Variants in PLCXD3 observed in about 807,000 individuals in gnomAD.
The protein encoded by PLCXD3 is PI-PLC X domain-containing protein 3.
Under a neutral mutation model 25.5 loss-of-function variants are expected in PLCXD3, and 19 were observed. That is an observed-to-expected ratio of 0.75 (90% confidence interval 0.52 to 1.09). The LOEUF (loss-of-function observed/expected upper bound fraction) is 1.09, where lower values mean the gene tolerates loss of function less well. PLCXD3 is among the 50% of genes least tolerant of loss of function. The pLI is 0.00. For synonymous variants in PLCXD3, 174 were observed against 137.6 expected (o/e 1.26, Z -1.85); for missense variants, 411 against 388.1 (o/e 1.06, Z -0.50).
intron 1 of PLCXD3, among the ~76,000 whole-genome samples, chr5:41,506,157 A>G (rs1022917678): frequency 2.0e-5 from 3 of 152,124 alleles, no homozygotes; most frequent in Non-Finnish European, 4.4e-5. Flanking sequence ...TGGTCCCTGA[A>G]CCAACTCTGA....
chr5:41,495,329 AAAC>A (rs1341465339), intron 1 of PLCXD3, among the ~76,000 whole-genome samples: 1 of 152,252 alleles, frequency 6.6e-6, no homozygotes, highest in Non-Finnish European at 1.5e-5. Flanking sequence ...TGGTCACTGA[AAAC>A]AAAATTTTTG....
chr5:41,395,984 G>C (rs1387819549), intron 1 of PLCXD3, among the ~76,000 whole-genome samples: 13 of 140,756 alleles, frequency 9.2e-5, no homozygotes, highest in Admixed American at 6.5e-4. Flanking sequence ...ACTAAAATCA[G>C]ACAAAGGCCC....
chr5:41,439,353 G>A (rs1387829800), intron 1 of PLCXD3, among the ~76,000 whole-genome samples: 1 of 152,148 alleles, frequency 6.6e-6, no homozygotes, highest in African/African-American at 2.4e-5. Flanking sequence ...ATATTAATGT[G>A]CTAAATGAAA....
At chr5:41,391,810 C>T (rs747250809) in intron 1 of PLCXD3, among the ~76,000 whole-genome samples, 11 of 152,068 alleles carry the variant, frequency 7.2e-5, no homozygotes, top group Non-Finnish European at 1.3e-4. Flanking sequence ...CTGGATCAAA[C>T]GGGAGACCAT....
At chr5:41,426,071 A>G (rs2150507275) in intron 1 of PLCXD3, among the ~76,000 whole-genome samples, 1 of 152,294 alleles carries the variant, frequency 6.6e-6, no homozygotes, top group East Asian at 1.9e-4. Context: ...CATTCCCACG[A>G]GCAATGAATG....
At chr5:41,499,775 T>G (rs1220402269) in intron 1 of PLCXD3, among the ~76,000 whole-genome samples, 1 of 151,834 alleles carries the variant, frequency 6.6e-6, no homozygotes, top group Non-Finnish European at 1.5e-5. Context: ...AGTATAGTTC[T>G]GGCATAAAGA....
intron 2 of PLCXD3, among the ~76,000 whole-genome samples, chr5:41,324,118 G>C (rs911190228): frequency 1.3e-5 from 2 of 152,110 alleles, no homozygotes; most frequent in African/African-American, 4.8e-5. Flanking sequence ...AGCATTTAAG[G>C]GATGGGCAGG....
At chr5:41,483,600 G>C (rs1043028933) in intron 1 of PLCXD3, among the ~76,000 whole-genome samples, 1 of 151,964 alleles carries the variant, frequency 6.6e-6, no homozygotes, top group African/African-American at 2.4e-5. Flanking sequence ...TTTCAGTTTT[G>C]CAAGATGAAA....
intron 1 of PLCXD3, among the ~76,000 whole-genome samples, chr5:41,479,090 A>G (rs1277215826): frequency 1.3e-5 from 2 of 152,210 alleles, no homozygotes; most frequent in African/African-American, 4.8e-5. Flanking sequence ...CCAAATGTTC[A>G]TTGACAGAAG....
chr5:41,315,597 A>C (rs1204369856), intron 2 of PLCXD3, among the ~76,000 whole-genome samples: 1 of 152,218 alleles, frequency 6.6e-6, no homozygotes, highest in Non-Finnish European at 1.5e-5. Context: ...ACTAAAAATC[A>C]GATGAGTACC....
intron 2 of PLCXD3, among the ~76,000 whole-genome samples, chr5:41,327,774 A>G (rs1221845036): frequency 6.6e-6 from 1 of 152,034 alleles, no homozygotes; most frequent in Non-Finnish European, 1.5e-5. Flanking sequence ...AATGTCCCCC[A>G]CCATTCTTTA....
intron 1 of PLCXD3, among the ~76,000 whole-genome samples, chr5:41,444,370 A>G (rs1446239960): frequency 1.3e-5 from 2 of 152,200 alleles, no homozygotes; most frequent in African/African-American, 2.4e-5. Flanking sequence ...GAATAAACAC[A>G]TAGAGTCACA....
At chr5:41,403,625 A>G (rs1419943819) in intron 1 of PLCXD3, among the ~76,000 whole-genome samples, 81 of 93,850 alleles carry the variant, frequency 8.6e-4, no homozygotes, top group African/African-American at 1.4e-3. Flanking sequence ...TCATTGTTCA[A>G]TTCCCACCTA....
chr5:41,321,394 C>T (rs1327884804), intron 2 of PLCXD3, among the ~76,000 whole-genome samples: 2 of 152,014 alleles, frequency 1.3e-5, no homozygotes, highest in African/African-American at 2.4e-5. Flanking sequence ...AGTGAAAGAG[C>T]TCTATAATGA....
At chr5:41,496,752 A>G (rs539987350) in intron 1 of PLCXD3, among the ~76,000 whole-genome samples, 7 of 151,526 alleles carry the variant, frequency 4.6e-5, no homozygotes. Flanking sequence ...GTAGGTAACT[A>G]TGTAACTTAA....
At chr5:41,452,620 C>G (rs949863958) in intron 1 of PLCXD3, among the ~76,000 whole-genome samples, 2 of 152,018 alleles carry the variant, frequency 1.3e-5, no homozygotes, top group African/African-American at 2.4e-5. Flanking sequence ...AAAGGCAGGG[C>G]TACAATACAC....
chr5:41,409,757 G>C (rs898716852), intron 1 of PLCXD3, among the ~76,000 whole-genome samples: 2 of 152,118 alleles, frequency 1.3e-5, no homozygotes, highest in African/African-American at 4.8e-5. Context: ...AATATTTGTT[G>C]CATGAAATAA....
At chr5:41,424,898 A>G (rs1396264062) in intron 1 of PLCXD3, among the ~76,000 whole-genome samples, 1 of 152,214 alleles carries the variant, frequency 6.6e-6, no homozygotes, top group Non-Finnish European at 1.5e-5. Context: ...TGTCTTGTCA[A>G]ATCATACATA....
chr5:41,445,272 A>G (rs1260476698), intron 1 of PLCXD3, among the ~76,000 whole-genome samples: 2 of 152,182 alleles, frequency 1.3e-5, no homozygotes, highest in Non-Finnish European at 2.9e-5. Flanking sequence ...TCAAGTACCA[A>G]TTTGTTATGT....
Sources: allele counts gnomAD v4.1 joint callset (sites outside exome capture counted in the v4.1 genomes callset), GRCh38; gene constraint gnomAD v4.1.1; transcripts MANE v1.5; gene names NCBI Gene and HGNC (gene_info 2026-07-23, HGNC 2026-07-21).